Variants in APBA2 observed in about 807,000 individuals in gnomAD.
APBA2 encodes amyloid-beta A4 precursor protein-binding family A member 2.
APBA2 carries 30 observed loss-of-function variants against 75.0 expected under a neutral mutation model. The ratio of observed to expected loss-of-function variants is 0.40; its 90% confidence interval spans 0.30 to 0.54. APBA2 has a LOEUF of 0.54. Ranked by LOEUF, APBA2 falls within the 20% of genes least tolerant of loss-of-function variation. The pLI, the probability that APBA2 is intolerant of heterozygous loss-of-function variation, is 0.49. For synonymous variants in APBA2, 444 were observed against 409.6 expected (o/e 1.08, Z -1.01); for missense variants, 801 against 1,016.1 (o/e 0.79, Z 2.88).
At chr15:28,893,403 T>C (rs906687965) in intron 1 of APBA2, among the ~76,000 whole-genome samples, 1 of 152,212 alleles carries the variant, frequency 6.6e-6, no homozygotes, top group African/African-American at 2.4e-5. Flanking sequence ...CTAGTACTTG[T>C]GAAAGCCGTC....
intron 3 of APBA2, among the ~76,000 whole-genome samples, chr15:29,020,973 C>T (rs1434246325): frequency 6.6e-6 from 1 of 152,124 alleles, no homozygotes; most frequent in Non-Finnish European, 1.5e-5. Flanking sequence ...TATAAGCGTT[C>T]TGGGGGGTCG....
At chr15:29,079,939 C>T (rs967786398) in intron 6 of APBA2, among the ~76,000 whole-genome samples, 1 of 152,224 alleles carries the variant, frequency 6.6e-6, no homozygotes, top group Non-Finnish European at 1.5e-5. Context: ...TCAACCACCA[C>T]GTGAGGAGTA....
Position 29,042,916 on chromosome 15 carries a change from G to A in APBA2, c.-40-10929G>A, listed in dbSNP as rs146910291. ...GCATGTTAAGAAAAAGGTCAGTGCT[G>A]GTAACGTTCTGTGTTCAGTTGCCCT... is the stretch of plus-strand genomic sequence containing the variant. On this transcript the variant is annotated intron_variant, in intron 3 of 14. Transcript: ENST00000683413. Among the ~76,000 whole-genome samples, 267 of 152,218 alleles carry A rather than the reference G, an allele frequency of 1.8e-3. 3 individuals carry two copies. Among genetic ancestry groups the A allele is most frequent in the Middle Eastern group, 3.4e-3 (1 of 294 alleles).
At chr15:29,065,268 C>T (rs1453600894) in intron 4 of APBA2, among the ~76,000 whole-genome samples, 2 of 152,046 alleles carry the variant, frequency 1.3e-5, no homozygotes, top group Admixed American at 6.6e-5. Flanking sequence ...GTGACATTCC[C>T]TAGGAAGTGC....
chr15:29,031,396 T>G (rs2040480342), intron 3 of APBA2, among the ~76,000 whole-genome samples: 1 of 152,144 alleles, frequency 6.6e-6, no homozygotes, highest in South Asian at 2.1e-4. Flanking sequence ...CGTCTCTCCT[T>G]GGCCTTGATG....
intron 3 of APBA2, among the ~76,000 whole-genome samples, chr15:29,024,764 C>G (rs972757694): frequency 3.9e-5 from 6 of 152,100 alleles, no homozygotes; most frequent in African/African-American, 1.4e-4. Flanking sequence ...GGTTGCAGGT[C>G]TGCTGGGGTA....
chr15:28,946,999 A>G (rs940662854), intron 2 of APBA2, among the ~76,000 whole-genome samples: 3 of 152,218 alleles, frequency 2.0e-5, no homozygotes, highest in Non-Finnish European at 4.4e-5. Context: ...CTCAGGGACC[A>G]AGCCTTTCCA....
intron 4 of APBA2, among the ~76,000 whole-genome samples, chr15:29,055,668 AGTGTGTGTGT>A (rs57671107): frequency 4.1e-4 from 52 of 127,534 alleles, no homozygotes; most frequent in African/African-American, 1.1e-3. Flanking sequence ...CATGAATTTG[AGTGTGTGTGT>A]GTGTGTGTGT....
At chr15:28,998,021 G>A (rs1204002239) in intron 3 of APBA2, among the ~76,000 whole-genome samples, 1 of 152,174 alleles carries the variant, frequency 6.6e-6, no homozygotes, top group Non-Finnish European at 1.5e-5. Flanking sequence ...TCTCTGTGAG[G>A]AGATCTGTAA....
chr15:29,114,217 C>T lies in APBA2; in HGVS notation c.2178+201C>T, dbSNP rs150913392. ...CCCGGTCTGGCTCTAACTGAGCAAC[C>T]GGGAGGGCACAGGCTGCTGGGGGTG... On this transcript the variant is annotated intron_variant, in intron 14 of 14. Coordinates refer to ENST00000683413, the MANE Select transcript of APBA2 (RefSeq NM_001353788.2). 3.7e-3 allele frequency among the ~76,000 whole-genome samples: 570 copies of T among 152,326 alleles called. 6 individuals are homozygous for T. Among genetic ancestry groups the T allele is most frequent in the African/African-American group, 0.013 (531 of 41,578 alleles).
intron 3 of APBA2, among the ~76,000 whole-genome samples, chr15:29,002,743 AAG>A (rs2038913910): frequency 6.6e-6 from 1 of 152,048 alleles, no homozygotes; most frequent in African/African-American, 2.4e-5. Context: ...CGAGGCTGGA[AAG>A]AGAGCCCCTG....
intron 6 of APBA2, among the ~76,000 whole-genome samples, chr15:29,089,374 G>A (rs2043444174): frequency 6.6e-6 from 1 of 152,190 alleles, no homozygotes; most frequent in African/African-American, 2.4e-5. Context: ...GGTGTGTTGG[G>A]CATGAGGGCT....
intron 3 of APBA2, among the ~76,000 whole-genome samples, chr15:29,047,789 A>C (rs1218267617): frequency 6.6e-6 from 1 of 152,280 alleles, no homozygotes; most frequent in Non-Finnish European, 1.5e-5. Flanking sequence ...AAAAACTATT[A>C]GGATTTAAAA....
chr15:29,068,438 C>T (rs1464034390), intron 4 of APBA2, among the ~76,000 whole-genome samples: 1 of 152,252 alleles, frequency 6.6e-6, no homozygotes, highest in African/African-American at 2.4e-5. Context: ...TGGTGGGTGA[C>T]TCTCCCTGGG....
At chr15:29,020,726 C>T (rs994445173) in intron 3 of APBA2, among the ~76,000 whole-genome samples, 3 of 152,092 alleles carry the variant, frequency 2.0e-5, no homozygotes, top group South Asian at 2.1e-4. Context: ...AGGAGAATTG[C>T]TTGAACCCGG....
Position 29,113,953 on chromosome 15 carries a change from G to A in APBA2, c.2115G>A (p.Gly705=). 6.2e-7 allele frequency: 1 copy of A among 1,613,674 alleles called. No homozygotes were observed. Among genetic ancestry groups the A allele is most frequent in the Non-Finnish European group, 8.5e-7 (1 of 1,180,048 alleles). Residue 705 remains glycine (G), a synonymous_variant, in exon 14 of 15, where the codon GGG becomes GGA. Coordinates refer to ENST00000683413, the MANE Select transcript of APBA2 (RefSeq NM_001353788.2). ...RVGHRIIEIN[G]QSVVATAHEK... is the part of the protein sequence containing the mutation. ...GCCACCGCATCATCGAGATCAACGG[G>A]CAGAGCGTGGTGGCCACAGCCCACG...
At chr15:28,892,001 C>T (rs564142951) in intron 1 of APBA2, among the ~76,000 whole-genome samples, 2 of 152,276 alleles carry the variant, frequency 1.3e-5, no homozygotes, top group African/African-American at 4.8e-5. Flanking sequence ...GATGGACTCA[C>T]CCAGAGAAAT....
chr15:28,961,263 A>G (rs2036455160), intron 2 of APBA2: 1 of 152,276 alleles, frequency 6.6e-6, no homozygotes. Flanking sequence ...AATTCCATGT[A>G]TAGGACGTTT....
Position 28,941,032 on chromosome 15 carries a change from G to GT in APBA2, c.-95+19290dup, listed in dbSNP as rs200342058. On this transcript the variant is annotated intron_variant, in intron 2 of 14. Coordinates refer to ENST00000683413, the MANE Select transcript of APBA2 (RefSeq NM_001353788.2). Reference sequence around the variant, plus strand: ...GTATGCAGTATGTTTAAGTCCATGAGTTTTTTTAACAATACTCAGGAAATA... The same window carrying GT: ...GTATGCAGTATGTTTAAGTCCATGAGTTTTTTTTAACAATACTCAGGAAATA... Among the ~76,000 whole-genome samples the GT allele has an allele frequency of 9.9e-3, 1,503 of 152,268 alleles. 13 individuals carry two copies. Among genetic ancestry groups the GT allele is most frequent in the Non-Finnish European group, 0.014 (984 of 68,016 alleles).
Sources: gnomAD v4.1 joint callset for allele counts (sites outside exome capture counted in the v4.1 genomes callset) on GRCh38, gnomAD v4.1.1 for gene constraint, MANE v1.5 for transcripts, NCBI Gene and HGNC (gene_info 2026-07-23, HGNC 2026-07-21) for gene names.